Variants in NKX2-1 observed in about 807,000 individuals in gnomAD.
NKX2-1 encodes NK2 homeobox 1, also known as homeobox protein Nkx-2.1.
A neutral mutation model predicts 35.1 loss-of-function variants in NKX2-1; 9 were observed. That is an observed-to-expected ratio of 0.26 (90% CI 0.15 to 0.45). The LOEUF is 0.45. Among genes scored for constraint, NKX2-1 ranks in the 20% least tolerant of loss-of-function variants. NKX2-1 has a pLI of 1.00. For missense variants in NKX2-1, 509 were observed against 589.1 expected, an observed-to-expected ratio of 0.86 and a Z score of 1.41; for synonymous variants, 284 against 269.9, an observed-to-expected ratio of 1.05 and a Z score of -0.51.
rs1179357013 is a variant in NKX2-1, at chr14:36,519,444, C to G, written c.78-74G>C. 1.9e-6 allele frequency: 3 copies of G among 1,583,604 alleles called. No homozygotes were observed. The African/African-American group carries it at 4.0e-5, about 21-fold the overall frequency. ...AAGCCTCGCTGCTTTTTTTTTCTCC[C>G]TTTGCCAAATATTCTGGTGTTACCT... On this transcript the variant is annotated intron_variant, in intron 1 of 2. Transcript: ENST00000354822.
chr14:36,519,914 A>G, intron 1 of NKX2-1, 139 bp downstream of exon 1: 1 of 1,327,962 alleles, frequency 7.5e-7, no homozygotes, highest in Non-Finnish European at 1.0e-6. Flanking sequence ...GAGATGGTTG[A>G]GAGGAAGGAA....
rs1256068297 is a variant in NKX2-1 at position 36,517,272 on chromosome 14, G to C, written c.*6C>G. 2 of 1,600,976 alleles carry C rather than the reference G, an allele frequency of 1.2e-6. No homozygotes were observed. The highest frequency in any genetic ancestry group is 8.5e-7 in the Non-Finnish European group (1 of 1,175,702). On this transcript the variant is annotated 3_prime_UTR_variant, in exon 3 of 3. Transcript: ENST00000354822. ...AGCGCTGGGCTAGGGCCGGCCCGGC[G>C]TCCTCTCACCAGGTCCGACCGTATA...
At position 36,517,215 on chromosome 14, in the gene NKX2-1, G is replaced by A; in HGVS notation, c.*63C>T. 2 of 1,565,830 alleles carry A rather than the reference G, an allele frequency of 1.3e-6. No homozygotes were observed. The highest frequency in any genetic ancestry group is 2.3e-5 in the East Asian group (1 of 43,132). ...GTGGAGCAGCGGTGGATGGTGGTCT[G>A]TGTGGCGGGCAGGAGGGAAGCGGTG... is the stretch of plus-strand genomic sequence containing the variant. On this transcript the variant is annotated 3_prime_UTR_variant, in exon 3 of 3. Coordinates refer to ENST00000354822, the MANE Select transcript of NKX2-1 (RefSeq NM_001079668.3).
chr14:36,516,426 T>G lies in NKX2-1; in HGVS notation c.*852A>C. 1 of 224,982 alleles carries G rather than the reference T, an allele frequency of 4.4e-6. No homozygotes were observed. The allele number at this position is 224,982 out of a possible 1,614,324, so 13.9% of individuals were successfully genotyped here. On this transcript the variant is annotated 3_prime_UTR_variant, in exon 3 of 3. Coordinates refer to ENST00000354822, the MANE Select transcript of NKX2-1 (RefSeq NM_001079668.3). The stretch of plus-strand genomic sequence containing the variant: ...AATCAGAAAAAGAATCTTTTTAATT[T>G]GTATAATTTATTAGAAGCTTCTTAG...
chr14:36,519,064 C>T lies in NKX2-1; in HGVS notation c.384G>A (p.Pro128=), dbSNP rs2139411611. Residue 128 remains proline, a synonymous_variant, in exon 2 of 3, where the codon CCG becomes CCA. Coordinates refer to ENST00000354822, the MANE Select transcript of NKX2-1 (RefSeq NM_001079668.3). ...TGTTCCTCATGGTGTCCTGGTACGG[C>T]GGCAGCTCGCTCATGTTGCCCAGGT... ...NGNLGNMSEL[P]PYQDTMRNSA... is the part of the protein sequence containing the mutation. 1 of 1,599,566 alleles carries T rather than the reference C, an allele frequency of 6.3e-7. No homozygotes were observed. The highest frequency in any genetic ancestry group is 8.5e-7 in the Non-Finnish European group (1 of 1,178,850).
chr14:36,520,149 C>G lies in NKX2-1; in HGVS notation c.-20G>C. 1 of 1,612,272 alleles carries G rather than the reference C, an allele frequency of 6.2e-7. No individual in the cohort carries two copies. The highest frequency in any genetic ancestry group is 1.3e-5 in the African/African-American group (1 of 75,024). On this transcript the variant is annotated 5_prime_UTR_variant, in exon 1 of 3. Transcript: ENST00000354822. ...CCACATCGGGCTTCGCTGCGCTGAG[C>G]CCCAGTCGCCAACAAATGAGCGAGC...
intron 1 of NKX2-1, 151 bp downstream of exon 1, chr14:36,519,902 G>A: frequency 7.9e-7 from 1 of 1,261,656 alleles, no homozygotes. Flanking sequence ...AACAGAGGAG[G>A]AGAGATGGTT....
chr14:36,518,704 G>A (rs1004307613), intron 2 of NKX2-1, among the ~76,000 whole-genome samples: 1 of 152,188 alleles, frequency 6.6e-6, no homozygotes, highest in South Asian at 2.1e-4. Flanking sequence ...GGCTCCCCGA[G>A]GTCTTCTGCG....
In NKX2-1 at chr14:36,519,103, G is replaced by T; in HGVS notation, c.345C>A (p.Gly115=). The change falls in exon 2 of 3, where the codon GGC becomes GGA. Residue 115 remains glycine, a synonymous_variant. Transcript: ENST00000354822. The stretch of plus-strand genomic sequence containing the variant: ...TGTTGCCCAGGTTGCCGTTGCAGTA[G>T]CCCCCCACGGCGGAGTGCGAGAGCT... ...VPQLSHSAVG[G]YCNGNLGNMS... 1.2e-6 allele frequency: 2 copies of T among 1,604,054 alleles called. No individual in the cohort carries two copies. The highest frequency in any genetic ancestry group is 8.5e-7 in the Non-Finnish European group (1 of 1,179,326).
rs865938094 is a variant in NKX2-1, at chr14:36,516,921, G to A, written c.*357C>T. On this transcript the variant is annotated 3_prime_UTR_variant, in exon 3 of 3. Coordinates refer to ENST00000354822, the MANE Select transcript of NKX2-1 (RefSeq NM_001079668.3). ...TAGAGTCCAGAGCCATGTCAGCACA[G>A]AGCCCTCTCCAATCTGTGCCCCGCC... The A allele has an allele frequency of 2.0e-4, 69 of 348,578 alleles. 1 individual carries two copies. In the Middle Eastern group the frequency reaches 2.4e-3, roughly 12 times the overall value. 21.6% of individuals were successfully genotyped at this position (348,578 alleles called of 1,614,324 possible).
chr14:36,517,804 A>G lies in NKX2-1; in HGVS notation c.680T>C (p.Met227Thr). 1 of 1,612,760 alleles carries G rather than the reference A, an allele frequency of 6.2e-7. No homozygotes were observed. The highest frequency in any genetic ancestry group is 8.5e-7 in the Non-Finnish European group (1 of 1,179,794). ...GACCTGCGTGGGCGTCAGGTGGATCATGCTGGCCAGGTGCTCGCGCTCCGG... is the reference window on the plus strand; with the variant it reads ...GACCTGCGTGGGCGTCAGGTGGATCGTGCTGGCCAGGTGCTCGCGCTCCGG... ...SAPEREHLAS[M>T]IHLTPTQVKI... is the part of the protein sequence containing the mutation. Residue 227 changes from methionine to threonine, a missense_variant, in exon 3 of 3, where the codon ATG (methionine) becomes ACG (threonine). Met to Thr is a moderately conservative substitution (Grantham distance 81). Transcript: ENST00000354822.
At chr14:36,519,848 G>A in intron 1 of NKX2-1, 2 of 752,214 alleles carry the variant, frequency 2.7e-6, no homozygotes, top group Non-Finnish European at 3.2e-6. Context: ...GGGGAAGGAG[G>A]AGGGAACCGA....
At position 36,520,179 on chromosome 14, in the gene NKX2-1, C is replaced by T; in HGVS notation, c.-50G>A. The T allele has an allele frequency of 1.2e-6, 2 of 1,605,488 alleles. No individual in the cohort carries two copies. Among genetic ancestry groups the T allele is most frequent in the Non-Finnish European group, 1.7e-6 (2 of 1,177,170 alleles). ...GTCGCCAACAAATGAGCGAGCGAGTCTGGGGACGAACCCTGGGGCCGCACT... is the reference window on the plus strand; with the variant it reads ...GTCGCCAACAAATGAGCGAGCGAGTTTGGGGACGAACCCTGGGGCCGCACT... On this transcript the variant is annotated 5_prime_UTR_variant, in exon 1 of 3. Transcript: ENST00000354822.
chr14:36,519,596 G>A (rs933964213), intron 1 of NKX2-1: 4 of 1,533,634 alleles, frequency 2.6e-6, no homozygotes, highest in African/African-American at 2.7e-5. Flanking sequence ...GCAGCCACCA[G>A]AGGCGGGGCG....
rs1881095077 is a variant in NKX2-1, at chr14:36,517,626, T to C, written c.858A>G (p.Arg286=). 13 of 1,536,966 alleles carry C rather than the reference T, an allele frequency of 8.5e-6. No homozygotes were observed. Among genetic ancestry groups the C allele is most frequent in the Non-Finnish European group, 1.1e-5 (13 of 1,144,032 alleles). The stretch of plus-strand genomic sequence containing the variant: ...TCACCAGGACCGGCACCGCCACGCG[T>C]CGCGGCGACTGCTGCTGAGCCTGTT... ...QQQQAQQQSP[R]RVAVPVLVKD... The change falls in exon 3 of 3, where the codon CGA becomes CGG. Residue 286 remains arginine (R), a synonymous_variant. Coordinates refer to ENST00000354822, the MANE Select transcript of NKX2-1 (RefSeq NM_001079668.3).
Position 36,516,991 on chromosome 14 carries a change from A to G in NKX2-1, c.*287T>C. On this transcript the variant is annotated 3_prime_UTR_variant, in exon 3 of 3. Transcript: ENST00000354822. ...TGAATCACCAAAAAAAGACACCCCA[A>G]AGCTGTTTTATGCCCTTCTCTGCTT... 2 of 505,184 alleles carry G rather than the reference A, an allele frequency of 4.0e-6. No individual in the cohort carries two copies. The highest frequency in any genetic ancestry group is 6.8e-6 in the Non-Finnish European group (2 of 292,586). The allele number at this position is 505,184 out of a possible 1,614,324, so 31.3% of individuals were successfully genotyped here.
chr14:36,517,805 T>C lies in NKX2-1; in HGVS notation c.679A>G (p.Met227Val), dbSNP rs1881108202. ...SAPEREHLAS[M>V]IHLTPTQVKI... ...ACCTGCGTGGGCGTCAGGTGGATCA[T>C]GCTGGCCAGGTGCTCGCGCTCCGGC... Residue 227 changes from methionine to valine, a missense_variant, in exon 3 of 3, where the codon ATG becomes GTG. Met to Val is a conservative substitution (Grantham distance 21, BLOSUM62 1). Around this residue, in one of 5 missense-constraint regions of NKX2-1, gnomAD observed 11 missense variants for 31.9 expected, o/e 0.35. Transcript: ENST00000354822. The C allele has an allele frequency of 1.9e-6, 3 of 1,612,692 alleles. No individual in the cohort carries two copies. Among genetic ancestry groups the C allele is most frequent in the East Asian group, 2.2e-5 (1 of 44,858 alleles).
At chr14:36,518,737 C>T (rs1385728521) in intron 2 of NKX2-1, among the ~76,000 whole-genome samples, 1 of 152,200 alleles carries the variant, frequency 6.6e-6, no homozygotes, top group African/African-American at 2.4e-5. Flanking sequence ...GCCAGTCCAC[C>T]GCGCCTAGGA....
Position 36,520,139 on chromosome 14 carries a change from C to T in NKX2-1, c.-10G>A, listed in dbSNP as rs1413236882. On this transcript the variant is annotated 5_prime_UTR_variant, in exon 1 of 3. Coordinates refer to ENST00000354822, the MANE Select transcript of NKX2-1 (RefSeq NM_001079668.3). ...TGCCTCCGGACCACATCGGGCTTCG[C>T]TGCGCTGAGCCCCAGTCGCCAACAA... 4.3e-6 allele frequency: 7 copies of T among 1,612,776 alleles called. No individual in the cohort carries two copies. In the South Asian group the frequency reaches 6.6e-5, roughly 15 times the overall value.
Sources: allele counts gnomAD v4.1 joint callset (sites outside exome capture counted in the v4.1 genomes callset), GRCh38; gene constraint gnomAD v4.1.1; regional missense constraint gnomAD v4.1.1; transcripts MANE v1.5; gene names NCBI Gene and HGNC (gene_info 2026-07-23, HGNC 2026-07-21).